Variants in AIM2 observed in about 807,000 individuals in gnomAD.
AIM2 encodes the protein absent in melanoma 2.
In AIM2, 30 loss-of-function variants were observed where a neutral mutation model predicts 27.7. That is an observed-to-expected ratio of 1.08 (90% CI 0.81 to 1.47). The LOEUF (loss-of-function observed/expected upper bound fraction) is 1.47, where lower values mean the gene tolerates loss of function less well. AIM2 is among the 40% of genes most tolerant of loss of function. AIM2 has a pLI of 0.00. For synonymous variants in AIM2, 141 were observed against 145.3 expected, an observed-to-expected ratio of 0.97 and a Z score of 0.21; for missense variants, 358 against 411.3, an observed-to-expected ratio of 0.87 and a Z score of 1.12.
At chr1:159,094,625 G>C (rs1657131196) in intron 1 of AIM2, among the ~76,000 whole-genome samples, 1 of 152,146 alleles carries the variant, frequency 6.6e-6, no homozygotes, top group Admixed American at 6.5e-5. Context: ...TTGAAACTAG[G>C]AGGCAAAGGT....
At chr1:159,094,918 T>TA (rs1007754134) in intron 1 of AIM2, among the ~76,000 whole-genome samples, 85 of 151,220 alleles carry the variant, frequency 5.6e-4, no homozygotes, top group African/African-American at 1.5e-3. Flanking sequence ...GCGAAAAAGG[T>TA]AAAAAAAAAC....
At chr1:159,073,587 G>C (rs1656468384) in intron 1 of AIM2, 68 bp from the exon 2 acceptor site, 2 of 1,415,516 alleles carry the variant, frequency 1.4e-6, no homozygotes, top group East Asian at 4.6e-5. Context: ...ATAAAGCAAG[G>C]TGAGCTATTA....
chr1:159,104,719 T>C (rs1657391989), intron 1 of AIM2, among the ~76,000 whole-genome samples: 1 of 152,254 alleles, frequency 6.6e-6, no homozygotes, highest in Non-Finnish European at 1.5e-5. Flanking sequence ...TTGAGGTAGC[T>C]ACTGGAAAAT....
At chr1:159,110,221 C>T (rs1210576457) in intron 1 of AIM2, among the ~76,000 whole-genome samples, 1 of 152,248 alleles carries the variant, frequency 6.6e-6, no homozygotes, top group East Asian at 1.9e-4. Context: ...GAATACTACT[C>T]GGCCATAAAA....
chr1:159,145,816 G>C (rs1194846262), intron 1 of AIM2, among the ~76,000 whole-genome samples: 1 of 152,144 alleles, frequency 6.6e-6, no homozygotes, highest in Non-Finnish European at 1.5e-5. Flanking sequence ...GCCATTTAAA[G>C]AGTTCTAGAG....
intron 1 of AIM2, among the ~76,000 whole-genome samples, chr1:159,119,457 T>C (rs1402662417): frequency 6.6e-6 from 1 of 152,166 alleles, no homozygotes; most frequent in Non-Finnish European, 1.5e-5. Context: ...TCACAAACAT[T>C]ATTTTTTTGA....
intron 2 of AIM2, among the ~76,000 whole-genome samples, chr1:159,070,580 T>C (rs1656310868): frequency 6.6e-6 from 1 of 152,220 alleles, no homozygotes; most frequent in South Asian, 2.1e-4. Flanking sequence ...TCTGATAGAA[T>C]TTGAACAATT....
chr1:159,058,829 T>C (rs1655739151), downstream of AIM2, among the ~76,000 whole-genome samples: 2 of 151,734 alleles, frequency 1.3e-5, no homozygotes, highest in South Asian at 2.1e-4. Context: ...GTTTTTTGGG[T>C]GAAAAGGAAA....
chr1:159,117,953 A>T (rs1042915046), intron 1 of AIM2, among the ~76,000 whole-genome samples: 1 of 152,208 alleles, frequency 6.6e-6, no homozygotes, highest in Admixed American at 6.5e-5. Context: ...CCCTGTATAA[A>T]TTTATTGATG....
intron 1 of AIM2, among the ~76,000 whole-genome samples, chr1:159,086,029 G>T (rs1656905493): frequency 6.6e-6 from 1 of 152,128 alleles, no homozygotes; most frequent in Admixed American, 6.5e-5. Context: ...TTTATTTGTT[G>T]ATTATACCTC....
chr1:159,128,260 TACAC>T lies in AIM2; in HGVS notation c.-16+12167_-16+12170del, dbSNP rs35254795. 9.5e-4 allele frequency among the ~76,000 whole-genome samples: 140 copies of T among 147,824 alleles called. 1 individual carries two copies. In the Middle Eastern group the frequency reaches 0.021, roughly 22 times the overall value. On this transcript the variant is annotated intron_variant, in intron 1 of 2. Coordinates refer to the AIM2 transcript ENST00000368129. ...AATTGTCATCTTATGTGCCAAGGCT[TACAC>T]ACACACACACACACACACACACACA...
At chr1:159,119,992 T>G (rs1023296408) in intron 1 of AIM2, among the ~76,000 whole-genome samples, 1 of 152,186 alleles carries the variant, frequency 6.6e-6, no homozygotes, top group African/African-American at 2.4e-5. Context: ...TGTGTAGCAT[T>G]ATGTTATATA....
At chr1:159,096,361 T>C (rs1657180921) in intron 1 of AIM2, among the ~76,000 whole-genome samples, 2 of 151,772 alleles carry the variant, frequency 1.3e-5, no homozygotes, top group Admixed American at 6.5e-5. Flanking sequence ...TGCAGTAATG[T>C]TGTGAAAAGA....
In AIM2 at chr1:159,073,358, C is replaced by A; in HGVS notation, c.142G>T (p.Val48Leu). Residue 48 changes from valine (V) to leucine (L), a missense_variant, in exon 2 of 6, where the codon GTA becomes TTA. Coordinates refer to ENST00000368130, the MANE Select transcript of AIM2 (RefSeq NM_004833.3). ...GCATTTTGAATCATCAAGGTAGCTA[C>A]TTGTATTCTGTTTGCAGTATGTAGT... is the stretch of plus-strand genomic sequence containing the variant. Reference protein sequence around the residue: ...GKLHTANRIQVATLMIQNAGA... With the variant: ...GKLHTANRIQLATLMIQNAGA... 1 of 1,614,204 alleles carries A rather than the reference C, an allele frequency of 6.2e-7. No individual in the cohort carries two copies.
At chr1:159,077,738 G>A (rs932709502), upstream of AIM2, among the ~76,000 whole-genome samples, 2 of 152,068 alleles carry the variant, frequency 1.3e-5, no homozygotes, top group Non-Finnish European at 2.9e-5. Flanking sequence ...CCTAACCCAG[G>A]CTCCTAACCC....
At chr1:159,103,316 A>G (rs1172412363) in intron 1 of AIM2, among the ~76,000 whole-genome samples, 2 of 151,952 alleles carry the variant, frequency 1.3e-5, no homozygotes, top group South Asian at 2.1e-4. Flanking sequence ...AAATTACCCA[A>G]TCTTGGGTAT....
chr1:159,128,080 C>T (rs772925117), intron 1 of AIM2, among the ~76,000 whole-genome samples: 8 of 152,152 alleles, frequency 5.3e-5, no homozygotes, highest in African/African-American at 1.7e-4. Context: ...AGAACACATG[C>T]CTCTGGAGAG....
At chr1:159,136,387 TTA>T (rs1161629692) in intron 1 of AIM2, among the ~76,000 whole-genome samples, 1 of 152,192 alleles carries the variant, frequency 6.6e-6, no homozygotes, top group African/African-American at 2.4e-5. Context: ...ATTCTAGGTA[TTA>T]GTTAGATCAT....
At chr1:159,146,385 C>A (rs1648207193) in intron 1 of AIM2, among the ~76,000 whole-genome samples, 1 of 152,090 alleles carries the variant, frequency 6.6e-6, no homozygotes, top group South Asian at 2.1e-4. Context: ...CAAGCCATCA[C>A]CTGCTTGTGT....
Sources: gnomAD v4.1 joint callset for allele counts (sites outside exome capture counted in the v4.1 genomes callset) on GRCh38, gnomAD v4.1.1 for gene constraint, MANE v1.5 for transcripts, NCBI Gene and HGNC (gene_info 2026-07-23, HGNC 2026-07-21) for gene names.